NCOA7: variants seen among roughly 807,000 people sequenced by gnomAD.
NCOA7 encodes the protein 140 kDa estrogen receptor-associated protein.
NCOA7 carries 45 observed loss-of-function variants against 104.3 expected under a neutral mutation model. The ratio of observed to expected loss-of-function variants is 0.43; its 90% confidence interval spans 0.34 to 0.55. NCOA7 has a LOEUF of 0.55. Among genes scored for constraint, NCOA7 ranks in the 20% least tolerant of loss-of-function variants. The pLI is 0.02. For missense variants in NCOA7, 1,041 were observed against 1,119.7 expected (o/e 0.93, Z 1.00); for synonymous variants, 398 against 402.3 (o/e 0.99, Z 0.13).
At position 125,864,791 on chromosome 6, in the gene NCOA7, G is replaced by A. The variant is rs1454130366; in HGVS notation, c.271+9551G>A. On this transcript the variant is annotated intron_variant, in intron 3 of 15. Coordinates refer to ENST00000392477, the MANE Select transcript of NCOA7 (RefSeq NM_181782.5). ...TGTTGTTTCTAAGCCACCAGTTTAT[G>A]GTATTTTGTTATAGCAGCCTGAATA... is the stretch of plus-strand genomic sequence containing the variant. 2.2e-5 allele frequency among the ~76,000 whole-genome samples: 3 copies of A among 137,694 alleles called. 1 individual carries two copies. The highest frequency in any genetic ancestry group is 4.6e-5 in the Non-Finnish European group (3 of 64,824). 90.3% of individuals were successfully genotyped at this position (137,694 alleles called of 152,430 possible). A position where few individuals can be genotyped will look rare whatever the true frequency, so the allele number is the denominator to read the frequency against.
intron 6 of NCOA7, among the ~76,000 whole-genome samples, chr6:125,881,757 T>C (rs969641212): frequency 1.3e-5 from 2 of 151,898 alleles, no homozygotes; most frequent in African/African-American, 4.8e-5. Flanking sequence ...AGTTTATTTG[T>C]ATTCCTCCTT....
At position 125,915,312 on chromosome 6, in the gene NCOA7, T is replaced by G. The variant is rs1434027589; in HGVS notation, c.2097-21T>G. 2.5e-6 allele frequency: 4 copies of G among 1,612,708 alleles called. No individual in the cohort carries two copies. In the African/African-American group the frequency reaches 5.3e-5, roughly 22 times the overall value. On this transcript the variant is annotated intron_variant, in intron 10 of 15. Coordinates refer to ENST00000392477, the MANE Select transcript of NCOA7 (RefSeq NM_181782.5). ...AGAAAGTGGACATGGTGTTAACATC[T>G]GTCACAAACGTGTTTTTCAGGGTGG... is the stretch of plus-strand genomic sequence containing the variant.
chr6:125,878,139 T>C, intron 4 of NCOA7, 124 bp from the exon 5 acceptor site: 1 of 494,528 alleles, frequency 2.0e-6, no homozygotes, highest in Non-Finnish European at 3.5e-6. Context: ...CATTCTTTCT[T>C]ATAGTCTATC....
chr6:125,909,307 T>A (rs1786306586), intron 10 of NCOA7, among the ~76,000 whole-genome samples: 1 of 152,176 alleles, frequency 6.6e-6, no homozygotes, highest in Non-Finnish European at 1.5e-5. Context: ...GTCAGTTGAA[T>A]GAAATGCCAT....
At position 125,882,329 on chromosome 6, in the gene NCOA7, ATAG is replaced by A. The variant is rs1227919198; in HGVS notation, c.574-94_574-92del. 3 of 1,237,626 alleles carry A rather than the reference ATAG, an allele frequency of 2.4e-6. No homozygotes were observed. In the African/African-American group the frequency reaches 4.6e-5, roughly 19 times the overall value. The allele number at this position is 1,237,626 out of a possible 1,614,324, so 76.7% of individuals were successfully genotyped here. A position where few individuals can be genotyped will look rare whatever the true frequency, so the allele number is the denominator to read the frequency against. On this transcript the variant is annotated intron_variant, in intron 6 of 15. Transcript: ENST00000392477. ...TTTTTAATGTTCCACTTAAATAGAA[ATAG>A]TATACTCACAGGGAATTTATGGGGC... is the stretch of plus-strand genomic sequence containing the variant.
intron 10 of NCOA7, among the ~76,000 whole-genome samples, chr6:125,908,361 T>G (rs976616456): frequency 6.6e-6 from 1 of 152,176 alleles, no homozygotes; most frequent in African/African-American, 2.4e-5. Flanking sequence ...GATCTAAGTT[T>G]CAGAATCAGT....
intron 1 of NCOA7, among the ~76,000 whole-genome samples, chr6:125,806,463 C>T (rs1039005931): frequency 1.3e-5 from 2 of 152,122 alleles, no homozygotes; most frequent in African/African-American, 2.4e-5. Context: ...TATAAAATCT[C>T]GGCTTTAAGG....
chr6:125,860,763 A>G (rs1367154861), intron 3 of NCOA7, among the ~76,000 whole-genome samples: 3 of 152,250 alleles, frequency 2.0e-5, no homozygotes, highest in Non-Finnish European at 2.9e-5. Context: ...GTAACATTTC[A>G]GTGTCGGGAA....
intron 13 of NCOA7, among the ~76,000 whole-genome samples, chr6:125,923,433 C>G (rs1294743903): frequency 1.3e-5 from 2 of 152,104 alleles, no homozygotes; most frequent in East Asian, 3.8e-4. Context: ...TAGTTATTAC[C>G]CCTTGTCCCT....
chr6:125,816,654 G>C (rs1196408066), intron 2 of NCOA7, among the ~76,000 whole-genome samples: 4 of 152,166 alleles, frequency 2.6e-5, no homozygotes, highest in Non-Finnish European at 5.9e-5. Flanking sequence ...GATCTCCAAA[G>C]TTTTTATTTT....
At chr6:125,819,274 T>A (rs542582850) in intron 2 of NCOA7, among the ~76,000 whole-genome samples, 2 of 152,140 alleles carry the variant, frequency 1.3e-5, no homozygotes, top group Non-Finnish European at 2.9e-5. Context: ...GAGTTTAAAA[T>A]ACCCTATTTT....
At chr6:125,793,211 G>C (rs1775010214) in intron 1 of NCOA7, among the ~76,000 whole-genome samples, 1 of 152,154 alleles carries the variant, frequency 6.6e-6, no homozygotes, top group Non-Finnish European at 1.5e-5. Flanking sequence ...CTGTAATAAA[G>C]ATAATTACAT....
chr6:125,809,962 G>A (rs1776819174), intron 1 of NCOA7, among the ~76,000 whole-genome samples: 1 of 152,160 alleles, frequency 6.6e-6, no homozygotes, highest in South Asian at 2.1e-4. Flanking sequence ...CTGACAGGCT[G>A]AGAGGTATTA....
At chr6:125,910,159 C>T (rs929646226) in intron 10 of NCOA7, among the ~76,000 whole-genome samples, 2 of 152,104 alleles carry the variant, frequency 1.3e-5, no homozygotes, top group African/African-American at 4.8e-5. Context: ...TGTGGATGTT[C>T]TGGAAAATTA....
At chr6:125,928,278 T>G (rs1397388284) in intron 15 of NCOA7, 31 bp downstream of exon 15, 2 of 1,583,782 alleles carry the variant, frequency 1.3e-6, no homozygotes, top group African/African-American at 2.7e-5. Flanking sequence ...GTTTTCTTAT[T>G]GTTATTTTAC....
At chr6:125,801,939 T>C (rs1775928548) in intron 1 of NCOA7, among the ~76,000 whole-genome samples, 1 of 152,188 alleles carries the variant, frequency 6.6e-6, no homozygotes, top group Non-Finnish European at 1.5e-5. Flanking sequence ...CAGTAAGTAA[T>C]ATCAACCATT....
Position 125,922,732 on chromosome 6 carries a change from C to A in NCOA7, c.2421C>A (p.Ala807=). The change falls in exon 13 of 16, where the codon GCC becomes GCA. Residue 807 remains alanine, a synonymous_variant. Transcript: ENST00000392477. ...ARVQGYPWRL[A]YSTLEHGTSL... ...TGCAAGGGTATCCATGGAGACTGGC[C>A]TATAGCACGTTAGAGCACGGGACCA... 1 of 1,614,006 alleles carries A rather than the reference C, an allele frequency of 6.2e-7. No individual in the cohort carries two copies. Among genetic ancestry groups the A allele is most frequent in the South Asian group, 1.1e-5 (1 of 91,070 alleles).
rs985885916 is a variant in NCOA7 at position 125,855,883 on chromosome 6, C to A, written c.271+643C>A. Reference sequence around the variant, plus strand: ...TACTTTTAGTAGAGACGGGGTTTCACCATGTTGAGCAGGCTGGTCTTGAAT... The same window carrying A: ...TACTTTTAGTAGAGACGGGGTTTCAACATGTTGAGCAGGCTGGTCTTGAAT... On this transcript the variant is annotated intron_variant, in intron 3 of 15. Coordinates refer to ENST00000392477, the MANE Select transcript of NCOA7 (RefSeq NM_181782.5). Among the ~76,000 whole-genome samples, 3 of 152,036 alleles carry A rather than the reference C, an allele frequency of 2.0e-5. No homozygotes were observed. In the South Asian group the frequency reaches 6.2e-4, roughly 32 times the overall value.
chr6:125,899,652 C>A (rs1785320599), intron 10 of NCOA7, among the ~76,000 whole-genome samples: 1 of 152,168 alleles, frequency 6.6e-6, no homozygotes, highest in Non-Finnish European at 1.5e-5. Flanking sequence ...TGGAAAACCC[C>A]TAAACAAATA....
Sources: gnomAD v4.1 joint callset for allele counts (sites outside exome capture counted in the v4.1 genomes callset) on GRCh38, gnomAD v4.1.1 for gene constraint, MANE v1.5 for transcripts, NCBI Gene and HGNC (gene_info 2026-07-23, HGNC 2026-07-21) for gene names.